Variants in TNS2 observed in about 807,000 individuals in gnomAD.
The protein encoded by TNS2 is tensin 2.
Under a neutral mutation model 155.7 loss-of-function variants are expected in TNS2, and 77 were observed. The observed-to-expected ratio is 0.49, with a 90% CI of 0.41 to 0.60. The LOEUF (loss-of-function observed/expected upper bound fraction) is 0.60, where lower values mean the gene tolerates loss of function less well. Ranked by LOEUF, TNS2 falls within the 20% of genes least tolerant of loss-of-function variation. The pLI is 0.00. For synonymous variants in TNS2, 726 were observed against 763.9 expected (o/e 0.95, Z 0.82); for missense variants, 1,703 against 1,868.8 (o/e 0.91, Z 1.64).
At chr12:53,047,713 G>A (rs568317512), upstream of TNS2, among the ~76,000 whole-genome samples, 35 of 152,204 alleles carry the variant, frequency 2.3e-4, no homozygotes, top group South Asian at 7.0e-3. Flanking sequence ...GCCCCGGCCT[G>A]GCAGGGTGCG....
Position 53,059,210 on chromosome 12 carries a change from G to A in TNS2, c.1569G>A (p.Pro523=), listed in dbSNP as rs201649541. 4.5e-3 allele frequency: 7,159 copies of A among 1,581,068 alleles called. 48 individuals are homozygous for A. Among genetic ancestry groups the A allele is most frequent in the Middle Eastern group, 0.015 (88 of 5,920 alleles). ...ATTCCTCCACGCTGACCACAGAGCC[G>A]GCTGCTGAGTCCCCTGGCCGGCCGC... The part of the protein sequence containing the change: ...SGHSSTLTTE[P]AAESPGRPPP... The change falls in exon 18 of 29, where the codon CCG becomes CCA. Residue 523 remains proline, a synonymous_variant. Transcript: ENST00000314250. This position sits in a 1 kb window ranked among gnomAD's most constrained non-coding sequence, Gnocchi z 4.7.
chr12:53,047,964 G>C (rs116884371), upstream of TNS2, among the ~76,000 whole-genome samples: 4 of 152,330 alleles, frequency 2.6e-5, no homozygotes, highest in Non-Finnish European at 4.4e-5. Flanking sequence ...TTCCAGAAAG[G>C]GGGGTGTGGG....
At chr12:53,061,982 G>A in intron 22 of TNS2, 42 bp downstream of exon 22, 1 of 1,609,202 alleles carries the variant, frequency 6.2e-7, no homozygotes, top group Non-Finnish European at 8.5e-7. Context: ...GATGAAGTTG[G>A]GGGTGGTGCC....
upstream of TNS2, chr12:53,048,973 T>G: frequency 1.9e-6 from 1 of 530,126 alleles, no homozygotes; most frequent in Non-Finnish European, 3.3e-6. Flanking sequence ...GTGACAGCTA[T>G]AGCCTGTCCC....
Position 53,060,967 on chromosome 12 carries a change from C to G in TNS2, c.3061C>G (p.Arg1021Gly), listed in dbSNP as rs1396407440. 1 of 1,607,668 alleles carries G rather than the reference C, an allele frequency of 6.2e-7. No individual in the cohort carries two copies. The highest frequency in any genetic ancestry group is 1.7e-4 in the Middle Eastern group (1 of 6,036). Residue 1021 changes from arginine to glycine, a missense_variant, in exon 20 of 29, where the codon CGA (arginine) becomes GGA (glycine). Transcript: ENST00000314250. The surrounding 1 kb of genome is among the most constrained non-coding windows in gnomAD (Gnocchi z 6.1). The part of the protein sequence containing the change: ...GLRHAPWQGP[R>G]GPPDSPDGSP... The stretch of plus-strand genomic sequence containing the variant: ...CCGCCACGCCCCCTGGCAAGGCCCT[C>G]GAGGCCCCCCCGACAGCCCAGATGG...
At position 53,064,134 on chromosome 12, in the gene TNS2, A is replaced by G; in HGVS notation, c.*252A>G. 2.1e-6 allele frequency: 1 copy of G among 476,648 alleles called. No homozygotes were observed. Among genetic ancestry groups the G allele is most frequent in the Non-Finnish European group, 3.7e-6 (1 of 267,508 alleles). 29.5% of individuals were successfully genotyped at this position (476,648 alleles called of 1,614,324 possible). On this transcript the variant is annotated 3_prime_UTR_variant, in exon 29 of 29. Coordinates refer to ENST00000314250, the MANE Select transcript of TNS2 (RefSeq NM_170754.4). ...ATGGGTGTGTGAGGGGTGAGGAGGC[A>G]TCAGCAGTTGAGCCCCGAAGGAGAT...
At chr12:53,051,810 GGGC>G (rs1321422168) in intron 1 of TNS2, 42 bp from the exon 2 acceptor site, 3 of 1,473,408 alleles carry the variant, frequency 2.0e-6, no homozygotes, top group Non-Finnish European at 2.8e-6. Flanking sequence ...AGATGGAGAT[GGGC>G]CCACTGGGAA....
In TNS2 at chr12:53,050,278, C is replaced by A; in HGVS notation, c.75+18C>A. On this transcript the variant is annotated intron_variant, in intron 1 of 28. Transcript: ENST00000314250. The surrounding 1 kb of genome is among the most constrained non-coding windows in gnomAD (Gnocchi z 4.7). ...CAAGCAGGGTAGGAGTGCCCACCAGCTGGGCAAAAGAGGGGCAGGGGTGGA... is the reference window on the plus strand; with the variant it reads ...CAAGCAGGGTAGGAGTGCCCACCAGATGGGCAAAAGAGGGGCAGGGGTGGA... The A allele has an allele frequency of 6.3e-7, 1 of 1,593,704 alleles. No homozygotes were observed. The highest frequency in any genetic ancestry group is 8.5e-7 in the Non-Finnish European group (1 of 1,170,228).
chr12:53,050,305 G>T lies in TNS2; in HGVS notation c.75+45G>T, dbSNP rs371493057. On this transcript the variant is annotated intron_variant, in intron 1 of 28. Transcript: ENST00000314250. This position sits in a 1 kb window ranked among gnomAD's most constrained non-coding sequence, Gnocchi z 4.7. ...GGGCAAAAGAGGGGCAGGGGTGGAG[G>T]TGCGGGCAGTGGGGGAGGGGACCAG... is the stretch of plus-strand genomic sequence containing the variant. 1.3e-6 allele frequency: 2 copies of T among 1,542,996 alleles called. No homozygotes were observed. Among genetic ancestry groups the T allele is most frequent in the South Asian group, 2.4e-5 (2 of 82,662 alleles).
At chr12:53,049,305 G>C (rs939343176), upstream of TNS2, 12 of 1,454,386 alleles carry the variant, frequency 8.3e-6, no homozygotes, top group African/African-American at 1.6e-4. Context: ...TGGGTAGAGA[G>C]CCCAAGTTGC....
In TNS2 at chr12:53,055,645, A is replaced by G. The variant is rs1423679883; in HGVS notation, c.651A>G (p.Thr217=). The G allele has an allele frequency of 6.2e-7, 1 of 1,614,048 alleles. No homozygotes were observed. The highest frequency in any genetic ancestry group is 8.5e-7 in the Non-Finnish European group (1 of 1,180,046). The change falls in exon 9 of 29, where the codon ACA becomes ACG. Residue 217 remains threonine (T), a synonymous_variant. Transcript: ENST00000314250. The part of the protein sequence containing the change: ...KLCSICKAME[T]WLSADPQHVV... ...GCTCCATCTGCAAAGCCATGGAGAC[A>G]TGGCTCAGTGCTGACCCACAGCACG...
Position 53,059,220 on chromosome 12 carries a change from TC to T in TNS2, c.1583del (p.Pro528LeufsTer18). On this transcript the variant is annotated frameshift_variant, in exon 18 of 29. Transcript: ENST00000314250. LOFTEE classifies it high-confidence loss of function. The surrounding 1 kb of genome is among the most constrained non-coding windows in gnomAD (Gnocchi z 4.7). ...GCTGACCACAGAGCCGGCTGCTGAG[TC>T]CCCTGGCCGGCCGCCCCCTACAGCT... ...STLTTEPAAE[S>X]PGRPPPTAAE... is the part of the protein sequence containing the mutation. 2 of 1,556,116 alleles carry T rather than the reference TC, an allele frequency of 1.3e-6. No individual in the cohort carries two copies. The highest frequency in any genetic ancestry group is 2.0e-5 in the Admixed American group (1 of 49,836).
At position 53,050,129 on chromosome 12, in the gene TNS2, G is replaced by A. The variant is rs1430139706; in HGVS notation, c.-57G>A. The A allele has an allele frequency of 3.3e-5, 53 of 1,585,514 alleles. No homozygotes were observed. Among genetic ancestry groups the A allele is most frequent in the Non-Finnish European group, 4.5e-5 (52 of 1,168,250 alleles). On this transcript the variant is annotated 5_prime_UTR_variant, in exon 1 of 29. Transcript: ENST00000314250. The surrounding 1 kb of genome is among the most constrained non-coding windows in gnomAD (Gnocchi z 4.7). ...GCCAGGCCGCTTCCAGGAAGCCCCG[G>A]GCCAGGCCCCAGCATTGTTCAGGCC...
rs1205196319 is a variant in TNS2, at chr12:53,055,241, G to T, written c.573+5G>T. On this transcript the variant is annotated splice_donor_5th_base_variant and intron_variant, in intron 8 of 28. Transcript: ENST00000314250. ...CTGACCCGCTTAAACCCCAAGGTAT[G>T]AAGGAAATGGCCTGCCCAACCATTA... 3 of 1,613,722 alleles carry T rather than the reference G, an allele frequency of 1.9e-6. No individual in the cohort carries two copies. Among genetic ancestry groups the T allele is most frequent in the Non-Finnish European group, 2.5e-6 (3 of 1,179,922 alleles).
rs781733846 is a variant in TNS2, at chr12:53,055,782, G to A, written c.698G>A (p.Gly233Glu). The A allele has an allele frequency of 5.0e-6, 8 of 1,614,076 alleles. No homozygotes were observed. The highest frequency in any genetic ancestry group is 1.7e-5 in the Admixed American group (1 of 60,002). Residue 233 changes from glycine to glutamate, a missense_variant and splice_region_variant, in exon 10 of 29, where the codon GGA becomes GAA. Physicochemically the swap from Gly to Glu is moderately conservative, Grantham distance 98. Coordinates refer to ENST00000314250, the MANE Select transcript of TNS2 (RefSeq NM_170754.4). The stretch of plus-strand genomic sequence containing the variant: ...CATCCCTGTCTCTCTGTCTGTCAGG[G>A]AAACAAGGGCAAGCTTGGGGTCATC... ...PQHVVVLYCK[G>E]NKGKLGVIVS...
chr12:53,050,316 G>T lies in TNS2; in HGVS notation c.75+56G>T, dbSNP rs926524861. 5.3e-6 allele frequency: 8 copies of T among 1,514,142 alleles called. No homozygotes were observed. Among genetic ancestry groups the T allele is most frequent in the African/African-American group, 4.1e-5 (3 of 72,432 alleles). 93.8% of individuals were successfully genotyped at this position (1,514,142 alleles called of 1,614,324 possible). A position where few individuals can be genotyped will look rare whatever the true frequency, so the allele number is the denominator to read the frequency against. ...GGGCAGGGGTGGAGGTGCGGGCAGT[G>T]GGGGAGGGGACCAGGAATCAGGCCA... On this transcript the variant is annotated intron_variant, in intron 1 of 28. Transcript: ENST00000314250. The surrounding 1 kb of genome is among the most constrained non-coding windows in gnomAD (Gnocchi z 4.7).
upstream of TNS2, chr12:53,049,987 T>A: frequency 7.8e-7 from 1 of 1,285,952 alleles, no homozygotes; most frequent in Non-Finnish European, 1.0e-6. Flanking sequence ...CCCCCTCCAC[T>A]TCCTGGAGCA....
intron 4 of TNS2, 108 bp downstream of exon 4, chr12:53,053,557 C>CT (rs1017666184): frequency 1.3e-5 from 19 of 1,460,920 alleles, no homozygotes; most frequent in Non-Finnish European, 1.7e-5. Context: ...GAACGGAGTG[C>CT]TGTGGGTATT....
rs910696156 is a variant in TNS2, at chr12:53,061,283, G to T, written c.3358+19G>T. 2 of 1,596,508 alleles carry T rather than the reference G, an allele frequency of 1.3e-6. No homozygotes were observed. Among genetic ancestry groups the T allele is most frequent in the East Asian group, 4.5e-5 (2 of 44,770 alleles). ...ACCCCAGGTATAAAGGCCTTGAGGG[G>T]GTTGGTGCCACCTTGAGAGAACCCT... On this transcript the variant is annotated intron_variant, in intron 20 of 28. Coordinates refer to ENST00000314250, the MANE Select transcript of TNS2 (RefSeq NM_170754.4).
Sources: allele counts gnomAD v4.1 joint callset (sites outside exome capture counted in the v4.1 genomes callset), GRCh38; gene constraint gnomAD v4.1.1; non-coding constraint Gnocchi (gnomAD v3.1); transcripts MANE v1.5; gene names NCBI Gene and HGNC (gene_info 2026-07-23, HGNC 2026-07-21).